Variants in ZDHHC14 observed in about 807,000 individuals in gnomAD.
ZDHHC14 encodes palmitoyltransferase ZDHHC14.
Under a neutral mutation model 47.7 loss-of-function variants are expected in ZDHHC14, and 16 were observed. The ratio of observed to expected loss-of-function variants is 0.34; its 90% CI spans 0.23 to 0.51. The LOEUF (loss-of-function observed/expected upper bound fraction) is 0.51, where lower values mean the gene tolerates loss of function less well. ZDHHC14 is among the 20% of genes least tolerant of loss of function. ZDHHC14 has a pLI of 0.97. For missense variants in ZDHHC14, 515 were observed against 662.5 expected, an observed-to-expected ratio of 0.78 and a Z score of 2.44; for synonymous variants, 293 against 278.9, an observed-to-expected ratio of 1.05 and a Z score of -0.50.
At chr6:157,473,757 T>C (rs1397475698) in intron 1 of ZDHHC14, among the ~76,000 whole-genome samples, 1 of 152,198 alleles carries the variant, frequency 6.6e-6, no homozygotes, top group Non-Finnish European at 1.5e-5. Flanking sequence ...GTCAAAACTT[T>C]CCTTTGTGCA....
intron 8 of ZDHHC14, among the ~76,000 whole-genome samples, chr6:157,654,220 A>G (rs1341849203): frequency 2.0e-5 from 3 of 152,078 alleles, no homozygotes; most frequent in Non-Finnish European, 1.5e-5. Flanking sequence ...TGCAGTGTGT[A>G]GGTTTCTAGC....
chr6:157,406,441 ATAT>A (rs1777765722), intron 1 of ZDHHC14, among the ~76,000 whole-genome samples: 1 of 152,216 alleles, frequency 6.6e-6, no homozygotes, highest in African/African-American at 2.4e-5. Flanking sequence ...TTGCAGAAAA[ATAT>A]TATCTCAGAG....
intron 1 of ZDHHC14, among the ~76,000 whole-genome samples, chr6:157,538,464 G>GT (rs1781624667): frequency 6.6e-6 from 1 of 152,166 alleles, no homozygotes; most frequent in Non-Finnish European, 1.5e-5. Flanking sequence ...TCTTTCAGGT[G>GT]TTACAGTAAA....
chr6:157,492,197 T>TCCCCCCC (rs1554261195), intron 1 of ZDHHC14, among the ~76,000 whole-genome samples: 15 of 78,464 alleles, frequency 1.9e-4, no homozygotes, highest in East Asian at 3.7e-4. Flanking sequence ...ACATCCCCCC[T>TCCCCCCC]CCGCCCCCGC....
chr6:157,605,565 G>T (rs546409819), intron 3 of ZDHHC14, among the ~76,000 whole-genome samples: 1 of 152,180 alleles, frequency 6.6e-6, no homozygotes, highest in African/African-American at 2.4e-5. Flanking sequence ...ACTTGACTCC[G>T]ATCAGACAGC....
intron 1 of ZDHHC14, among the ~76,000 whole-genome samples, chr6:157,529,799 A>C (rs1056935835): frequency 6.6e-6 from 1 of 152,222 alleles, no homozygotes; most frequent in African/African-American, 2.4e-5. Flanking sequence ...TGTAGGCCTC[A>C]TTGTGGTACA....
chr6:157,647,348 G>T lies in ZDHHC14; in HGVS notation c.945G>T (p.Leu315=), dbSNP rs1465258679. 20 of 1,613,418 alleles carry T rather than the reference G, an allele frequency of 1.2e-5. No individual in the cohort carries two copies. The highest frequency in any genetic ancestry group is 1.7e-5 in the Non-Finnish European group (20 of 1,179,574). ...GNIFTNCCVA[L]CGPISPSLID... is the part of the protein sequence containing the mutation. ...TCTTTACCAACTGCTGTGTTGCCCT[G>T]TGTGGGCCCATCTCACCAAGGTAAG... The change falls in exon 7 of 9, where the codon CTG becomes CTT. Residue 315 remains leucine, a synonymous_variant. Transcript: ENST00000359775.
At chr6:157,416,670 TAAAAAAAAAA>T (rs570772103) in intron 1 of ZDHHC14, among the ~76,000 whole-genome samples, 1 of 75,322 alleles carries the variant, frequency 1.3e-5, no homozygotes, top group Non-Finnish European at 2.5e-5. Context: ...CCTGTCTCAT[TAAAAAAAAAA>T]AAAAAAAAAA....
In ZDHHC14 at chr6:157,675,400, A is replaced by G. The variant is rs1778954252; in HGVS notation, c.*2278A>G. The G allele has an allele frequency of 6.6e-6, 1 of 152,200 alleles. No individual in the cohort carries two copies. Among genetic ancestry groups the G allele is most frequent in the South Asian group, 2.1e-4 (1 of 4,834 alleles). The allele number at this position is 152,200 out of a possible 1,614,324, so 9.4% of individuals were successfully genotyped here. On this transcript the variant is annotated 3_prime_UTR_variant, in exon 9 of 9. Coordinates refer to ENST00000359775, the MANE Select transcript of ZDHHC14 (RefSeq NM_024630.3). Reference sequence around the variant, plus strand: ...CATAATGGATATTTACTTAATATTTATTATCAATTTCCCCACCTCCAACCC... The same window carrying G: ...CATAATGGATATTTACTTAATATTTGTTATCAATTTCCCCACCTCCAACCC...
At chr6:157,479,285 A>G (rs1476740003) in intron 1 of ZDHHC14, among the ~76,000 whole-genome samples, 3 of 152,284 alleles carry the variant, frequency 2.0e-5, no homozygotes, top group African/African-American at 7.2e-5. Flanking sequence ...TAAATGTCTT[A>G]GAACTGTGAT....
intron 8 of ZDHHC14, among the ~76,000 whole-genome samples, chr6:157,667,900 A>C (rs1404846241): frequency 2.0e-5 from 3 of 152,252 alleles, no homozygotes; most frequent in East Asian, 3.8e-4. Context: ...TGTAAATTCC[A>C]GTCAGTAGAG....
chr6:157,619,977 A>G (rs1785121965), intron 3 of ZDHHC14, among the ~76,000 whole-genome samples: 1 of 152,232 alleles, frequency 6.6e-6, no homozygotes, highest in Non-Finnish European at 1.5e-5. Flanking sequence ...TTGTTTCTTC[A>G]TACAATTAAG....
chr6:157,673,351 T>C lies in ZDHHC14; in HGVS notation c.*229T>C, dbSNP rs1456052171. The stretch of plus-strand genomic sequence containing the variant: ...CCCAACCTGAGTGCTTTGACAACAA[T>C]GGAAATAGAGAAGTGGCTGCTTTCT... On this transcript the variant is annotated 3_prime_UTR_variant, in exon 9 of 9. Coordinates refer to ENST00000359775, the MANE Select transcript of ZDHHC14 (RefSeq NM_024630.3). This position sits in a 1 kb window ranked among gnomAD's most constrained non-coding sequence, Gnocchi z 5.4. 8.7e-6 allele frequency: 5 copies of C among 571,830 alleles called. No homozygotes were observed. The highest frequency in any genetic ancestry group is 1.5e-5 in the Non-Finnish European group (5 of 343,440). 35.4% of individuals were successfully genotyped at this position (571,830 alleles called of 1,614,324 possible). A position where few individuals can be genotyped will look rare whatever the true frequency, so the allele number is the denominator to read the frequency against.
chr6:157,530,200 G>A (rs905328301), intron 1 of ZDHHC14, among the ~76,000 whole-genome samples: 1 of 152,076 alleles, frequency 6.6e-6, no homozygotes, highest in African/African-American at 2.4e-5. Context: ...AATGATGTGG[G>A]ACCACATCTG....
At chr6:157,612,865 C>T (rs1784806480) in intron 3 of ZDHHC14, among the ~76,000 whole-genome samples, 1 of 151,026 alleles carries the variant, frequency 6.6e-6, no homozygotes, top group South Asian at 2.1e-4. Flanking sequence ...AAGTATATTG[C>T]TTTTTTGGCC....
intron 5 of ZDHHC14, among the ~76,000 whole-genome samples, chr6:157,643,747 G>A (rs1460948168): frequency 6.7e-6 from 1 of 148,458 alleles, no homozygotes; most frequent in African/African-American, 2.5e-5. Flanking sequence ...CTCCCGATGA[G>A]GGTAAGGAGC....
intron 5 of ZDHHC14, among the ~76,000 whole-genome samples, chr6:157,639,581 C>T (rs1196440903): frequency 4.6e-5 from 7 of 152,200 alleles, no homozygotes; most frequent in Non-Finnish European, 5.9e-5. Flanking sequence ...GGATTACAGG[C>T]GTGAGCCACT....
At position 157,435,441 on chromosome 6, in the gene ZDHHC14, T is replaced by C. The variant is rs142890367; in HGVS notation, c.245+53175T>C. Among the ~76,000 whole-genome samples the C allele has an allele frequency of 4.2e-3, 633 of 152,350 alleles. 4 individuals carry two copies. The highest frequency in any genetic ancestry group is 0.015 in the African/African-American group (610 of 41,584). ...AACCTTGAGGAAAGGCTAGGACATA[T>C]GTATGCAGATGTGTGCCTCTTAATT... On this transcript the variant is annotated intron_variant, in intron 1 of 8. Coordinates refer to ENST00000359775, the MANE Select transcript of ZDHHC14 (RefSeq NM_024630.3).
At chr6:157,417,746 C>T (rs530768086) in intron 1 of ZDHHC14, among the ~76,000 whole-genome samples, 23 of 152,100 alleles carry the variant, frequency 1.5e-4, no homozygotes, top group Non-Finnish European at 2.8e-4. Context: ...TTTGGGAGGC[C>T]GAGGCGGGCG....
Sources: gnomAD v4.1 joint callset for allele counts (sites outside exome capture counted in the v4.1 genomes callset) on GRCh38, gnomAD v4.1.1 for gene constraint, Gnocchi (gnomAD v3.1) non-coding constraint, MANE v1.5 for transcripts, NCBI Gene and HGNC (gene_info 2026-07-23, HGNC 2026-07-21) for gene names.